The following NMNAT1 variants were observed in gnomAD, a reference collection of about 807,000 sequenced individuals.
The protein encoded by NMNAT1 is nicotinamide nucleotide adenylyltransferase 1.
In NMNAT1, 11 loss-of-function variants were observed where a neutral mutation model predicts 16.7. The observed-to-expected ratio is 0.66, with a 90% CI of 0.41 to 1.09. The LOEUF is 1.09. Among genes scored for constraint, NMNAT1 ranks in the 50% least tolerant of loss-of-function variants. The pLI, the probability that NMNAT1 is intolerant of heterozygous loss-of-function variation, is 0.00. For missense variants in NMNAT1, 280 were observed against 332.3 expected (o/e 0.84, Z 1.22); for synonymous variants, 110 against 119.8 (o/e 0.92, Z 0.53).
At chr1:9,994,200 TC>T in the NMNAT1 span, among the ~76,000 whole-genome samples, 2 of 139,128 alleles carry the variant, frequency 1.4e-5, no homozygotes, top group Non-Finnish European at 3.0e-5. Flanking sequence ...AACCTCTGCC[TC>T]CCGGGTTCAA....
At position 9,982,977 on chromosome 1, in the gene NMNAT1, G is replaced by A. The variant is rs372965857; in HGVS notation, c.*276G>A. 210 of 268,928 alleles carry A rather than the reference G, an allele frequency of 7.8e-4. 1 individual carries two copies. The highest frequency in any genetic ancestry group is 4.5e-3 in the African/African-American group (197 of 44,058). The allele number at this position is 268,928 out of a possible 1,614,324, so 16.7% of individuals were successfully genotyped here. On this transcript the variant is annotated 3_prime_UTR_variant, in exon 5 of 5. Transcript: ENST00000377205. ...AAAAATTAGCTGTGTGTGGTGGCAC[G>A]TGCCTGTAGTCCCAGCTACTTGGGA...
chr1:9,952,439 G>A (rs1557457052), intron 1 of NMNAT1: 1 of 152,222 alleles, frequency 6.6e-6, no homozygotes, highest in African/African-American at 2.4e-5. Context: ...CCGTGGCAAT[G>A]GCTCCATCTG....
chr1:9,957,272 G>A (rs1028610865), intron 1 of NMNAT1, among the ~76,000 whole-genome samples: 3 of 152,154 alleles, frequency 2.0e-5, no homozygotes, highest in East Asian at 3.9e-4. Context: ...CAGGTGATCC[G>A]CCCACCTCAG....
intron 1 of NMNAT1, among the ~76,000 whole-genome samples, chr1:9,961,516 A>T (rs1169415483): frequency 6.6e-6 from 1 of 152,112 alleles, no homozygotes; most frequent in East Asian, 1.9e-4. Flanking sequence ...CCCCTCCCAT[A>T]ATACCACTGG....
At chr1:9,993,509 A>G in the NMNAT1 span, among the ~76,000 whole-genome samples, 1 of 151,982 alleles carries the variant, frequency 6.6e-6, no homozygotes, top group Non-Finnish European at 1.5e-5. Context: ...GAAAGACAGG[A>G]CAATACTGAA....
At chr1:9,975,903 G>A in intron 3 of NMNAT1, 128 bp downstream of exon 3, 1 of 731,156 alleles carries the variant, frequency 1.4e-6, no homozygotes, top group Admixed American at 2.6e-5. Flanking sequence ...TGTGTTGTAA[G>A]CCATTCCTGT....
intron 3 of NMNAT1, among the ~76,000 whole-genome samples, 161 bp from the exon 4 acceptor site, chr1:9,980,870 A>G (rs1033911900): frequency 1.3e-5 from 2 of 151,680 alleles, no homozygotes; most frequent in African/African-American, 4.8e-5. Flanking sequence ...GTTAGCCAGG[A>G]TGGTCTCGAT....
At position 9,983,685 on chromosome 1, in the gene NMNAT1, G is replaced by A. The variant is rs1570718529; in HGVS notation, c.*984G>A. ...AAAAAAAAAAGCCTGACAGCTAGCAGGTTTCAGGATCCATCTGCCAAGTTA... is the reference window on the plus strand; with the variant it reads ...AAAAAAAAAAGCCTGACAGCTAGCAAGTTTCAGGATCCATCTGCCAAGTTA... On this transcript the variant is annotated 3_prime_UTR_variant, in exon 5 of 5. Coordinates refer to ENST00000377205, the MANE Select transcript of NMNAT1 (RefSeq NM_022787.4). 2.0e-5 allele frequency: 3 copies of A among 152,128 alleles called. No homozygotes were observed. In the South Asian group the frequency reaches 6.2e-4, roughly 32 times the overall value. 9.4% of individuals were successfully genotyped at this position (152,128 alleles called of 1,614,324 possible). A position where few individuals can be genotyped will look rare whatever the true frequency, so the allele number is the denominator to read the frequency against.
At chr1:9,973,433 C>T (rs1035429405) in intron 2 of NMNAT1, among the ~76,000 whole-genome samples, 1 of 152,080 alleles carries the variant, frequency 6.6e-6, no homozygotes, top group African/African-American at 2.4e-5. Flanking sequence ...TGAGGCTGGG[C>T]GTGGTGGCTT....
At chr1:9,954,829 G>T (rs942126976) in intron 1 of NMNAT1, among the ~76,000 whole-genome samples, 1 of 151,642 alleles carries the variant, frequency 6.6e-6, no homozygotes, top group African/African-American at 2.4e-5. Context: ...TACTCAGGAG[G>T]CTGAGGCACG....
chr1:9,948,111 ATGT>A (rs1641019518), intron 1 of NMNAT1, among the ~76,000 whole-genome samples: 2 of 152,108 alleles, frequency 1.3e-5, no homozygotes, highest in South Asian at 4.1e-4. Flanking sequence ...TGGTCCGAAA[ATGT>A]TGGTGGCGTC....
At chr1:9,989,283 C>A (rs1382810223), downstream of NMNAT1, among the ~76,000 whole-genome samples, 1 of 152,054 alleles carries the variant, frequency 6.6e-6, no homozygotes, top group Non-Finnish European at 1.5e-5. Context: ...CATGGCGAAA[C>A]CCCACCTGTA....
intron 1 of NMNAT1, among the ~76,000 whole-genome samples, chr1:9,956,316 C>T (rs898982036): frequency 1.8e-4 from 27 of 151,594 alleles, no homozygotes; most frequent in Admixed American, 7.9e-4. Context: ...ATTACAGGCA[C>T]GTGCCACCAC....
chr1:9,967,339 T>C (rs892668349), intron 1 of NMNAT1: 1 of 154,078 alleles, frequency 6.5e-6, no homozygotes, highest in Non-Finnish European at 1.5e-5. Flanking sequence ...TGATCTCCCA[T>C]GCGCCTATCA....
At chr1:9,943,118 A>T (rs911141480), upstream of NMNAT1, 1 of 177,296 alleles carries the variant, frequency 5.6e-6, no homozygotes, top group African/African-American at 2.3e-5. Flanking sequence ...CGGCCACCGC[A>T]GCAAATCCCA....
intron 1 of NMNAT1, among the ~76,000 whole-genome samples, chr1:9,971,791 C>A (rs1279430368): frequency 6.6e-6 from 1 of 151,882 alleles, no homozygotes; most frequent in Non-Finnish European, 1.5e-5. Flanking sequence ...AGCAAGACCC[C>A]CATCTCTACA....
chr1:9,991,629 A>C, the NMNAT1 span, among the ~76,000 whole-genome samples: 1 of 152,202 alleles, frequency 6.6e-6, no homozygotes, highest in Non-Finnish European at 1.5e-5. Context: ...CTTACCAGGC[A>C]CTGTGCTAGA....
At chr1:9,960,240 G>A (rs972823421) in intron 1 of NMNAT1, among the ~76,000 whole-genome samples, 1 of 151,980 alleles carries the variant, frequency 6.6e-6, no homozygotes, top group African/African-American at 2.4e-5. Context: ...AGCAATGATT[G>A]TGCCACTGTA....
At chr1:9,944,178 C>T (rs1300058962) in intron 1 of NMNAT1, among the ~76,000 whole-genome samples, 1 of 152,052 alleles carries the variant, frequency 6.6e-6, no homozygotes, top group African/African-American at 2.4e-5. Context: ...CGCTTGAATC[C>T]TGGAGGCGGA....
Sources: gnomAD v4.1 joint callset for allele counts (sites outside exome capture counted in the v4.1 genomes callset) on GRCh38, gnomAD v4.1.1 for gene constraint, MANE v1.5 for transcripts, NCBI Gene and HGNC (gene_info 2026-07-23, HGNC 2026-07-21) for gene names.